Variants in ARHGEF1 observed in about 807,000 individuals in gnomAD.
ARHGEF1 encodes Rho guanine nucleotide exchange factor 1, also known as 115 kDa guanine nucleotide exchange factor.
In ARHGEF1, 40 loss-of-function variants were observed where a neutral mutation model predicts 119.7. The ratio of observed to expected loss-of-function variants is 0.33; its 90% CI spans 0.26 to 0.44. The LOEUF (loss-of-function observed/expected upper bound fraction) is 0.44, where lower values mean the gene tolerates loss of function less well. Ranked by LOEUF, ARHGEF1 falls within the 20% of genes least tolerant of loss-of-function variation. ARHGEF1 has a pLI of 1.00. For missense variants in ARHGEF1, 976 were observed against 1,268.3 expected (o/e 0.77, Z 3.50); for synonymous variants, 494 against 521.0 (o/e 0.95, Z 0.71).
rs2074801790 is a variant in ARHGEF1 at position 41,916,356 on chromosome 19, C to G, written c.1866-6736C>G. 6.6e-6 allele frequency among the ~76,000 whole-genome samples: 1 copy of G among 152,126 alleles called. No individual in the cohort carries two copies. Among genetic ancestry groups the G allele is most frequent in the South Asian group, 2.1e-4 (1 of 4,822 alleles). On this transcript the variant is annotated intron_variant, in intron 18 of 20. Transcript: ENST00000599589. This position sits in a 1 kb window ranked among gnomAD's most constrained non-coding sequence, Gnocchi z 5.4. ...AAAGCAACGCATACCACTGCTGCCA[C>G]ACACAACCCACATCACACAGATGCA... is the stretch of plus-strand genomic sequence containing the variant.
chr19:41,902,152 C>A lies in ARHGEF1; in HGVS notation c.1414+119C>A. The A allele has an allele frequency of 6.4e-7, 1 of 1,554,458 alleles. No individual in the cohort carries two copies. Among genetic ancestry groups the A allele is most frequent in the Non-Finnish European group, 8.8e-7 (1 of 1,139,168 alleles). Reference sequence around the variant, plus strand: ...TTCACATGGGGTGGGGGCAGATACGCCATCCGGTCCCGAGGATCAGACACA... The same window carrying A: ...TTCACATGGGGTGGGGGCAGATACGACATCCGGTCCCGAGGATCAGACACA... On this transcript the variant is annotated intron_variant, in intron 15 of 28. Transcript: ENST00000354532. This position sits in a 1 kb window ranked among gnomAD's most constrained non-coding sequence, Gnocchi z 6.5.
rs1414290766 is a variant in ARHGEF1 at position 41,894,532 on chromosome 19, C to T, written c.826C>T (p.Arg276Trp). 24 of 1,612,056 alleles carry T rather than the reference C, an allele frequency of 1.5e-5. No individual in the cohort carries two copies. Among genetic ancestry groups the T allele is most frequent in the Admixed American group, 3.3e-5 (2 of 59,866 alleles). Reference sequence around the variant, plus strand: ...CATCCTGGATGCCGCCCGCTGGAACCGGGGAGAGCCCCAGGGTAAGGCGGC... The same window carrying T: ...CATCCTGGATGCCGCCCGCTGGAACTGGGGAGAGCCCCAGGGTAAGGCGGC... ...SSILDAARWN[R>W]GEPQVPDFRH... The change falls in exon 10 of 29, where the codon CGG (arginine) becomes TGG (tryptophan). Residue 276 changes from arginine (R) to tryptophan (W), a missense_variant. Arg to Trp is a moderately radical substitution (Grantham distance 101). This residue lies in a region of ARHGEF1 where 519 missense variants were observed against 580.9 expected (regional missense o/e 0.89). Coordinates refer to ENST00000354532, the MANE Select transcript of ARHGEF1 (RefSeq NM_004706.4).
chr19:41,907,573 T>C, downstream of ARHGEF1: 1 of 636,392 alleles, frequency 1.6e-6, no homozygotes, highest in Non-Finnish European at 2.6e-6. Context: ...CATTCATTCA[T>C]TCATTCATTT....
chr19:41,904,986 G>A lies in ARHGEF1; in HGVS notation c.2199G>A (p.Gln733=), dbSNP rs782046967. The A allele has an allele frequency of 3.1e-6, 5 of 1,614,190 alleles. No individual in the cohort carries two copies. Among genetic ancestry groups the A allele is most frequent in the Non-Finnish European group, 4.2e-6 (5 of 1,180,004 alleles). The change falls in exon 23 of 29, where the codon CAG becomes CAA. Residue 733 remains glutamine, a synonymous_variant. Coordinates refer to ENST00000354532, the MANE Select transcript of ARHGEF1 (RefSeq NM_004706.4). This position sits in a 1 kb window ranked among gnomAD's most constrained non-coding sequence, Gnocchi z 8.4. ...TCTACGTCCTTTTTACCTGGGACCA[G>A]GAGGCCCAGATATACGAGCTGGTGG... ...KAFYVLFTWD[Q]EAQIYELVAQ...
In ARHGEF1 at chr19:41,904,313, G is replaced by A. The variant is rs782398042; in HGVS notation, c.2091G>A (p.Thr697=). The A allele has an allele frequency of 1.9e-5, 30 of 1,609,590 alleles. No individual in the cohort carries two copies. Among genetic ancestry groups the A allele is most frequent in the Middle Eastern group, 1.7e-4 (1 of 6,036 alleles). ...LKSHSRTLTP[T]PDGKTMLRPV... ...CCCATAGCCGGACACTGACGCCCACGCCCGATGGCAAGACCATGCTGCGGC... is the reference window on the plus strand; with the variant it reads ...CCCATAGCCGGACACTGACGCCCACACCCGATGGCAAGACCATGCTGCGGC... The change falls in exon 22 of 29, where the codon ACG becomes ACA. Residue 697 remains threonine, a synonymous_variant. Transcript: ENST00000354532. The surrounding 1 kb of genome is among the most constrained non-coding windows in gnomAD (Gnocchi z 8.4).
At chr19:41,909,367 A>G, downstream of ARHGEF1, 1 of 1,235,994 alleles carries the variant, frequency 8.1e-7, no homozygotes, top group Non-Finnish European at 1.0e-6. The surrounding 1 kb of genome is among the most constrained non-coding windows in gnomAD (Gnocchi z 5.2). Flanking sequence ...AGCTGCCGCC[A>G]TGTCCAGCAG....
At chr19:41,890,656 T>G (rs1346883402) in intron 4 of ARHGEF1, 3 of 151,844 alleles carry the variant, frequency 2.0e-5, no homozygotes, top group Non-Finnish European at 4.4e-5. Context: ...GGTACACACC[T>G]GTAATTCCAG....
rs1568814698 is a variant in ARHGEF1, at chr19:41,894,258, G to A, written c.696G>A (p.Arg232=). 5 of 1,569,968 alleles carry A rather than the reference G, an allele frequency of 3.2e-6. No homozygotes were observed. Among genetic ancestry groups the A allele is most frequent in the Non-Finnish European group, 4.3e-6 (5 of 1,154,016 alleles). ...TGTACATGCGCCACCTTGGGGTGCG[G>A]ACCAAGAGTGGAGACAAGAAGTCGG... ...IGLYMRHLGV[R]TKSGDKKSGR... is the part of the protein sequence containing the mutation. The change falls in exon 9 of 29, where the codon CGG becomes CGA. Residue 232 remains arginine, a synonymous_variant. Transcript: ENST00000354532.
rs1463691248 is a variant in ARHGEF1 at position 41,916,569 on chromosome 19, C to G, written c.1866-6523C>G. Among the ~76,000 whole-genome samples the G allele has an allele frequency of 6.6e-6, 1 of 152,138 alleles. No homozygotes were observed. Among genetic ancestry groups the G allele is most frequent in the African/African-American group, 2.4e-5 (1 of 41,428 alleles). ...CACACTGTGTAAACACATAATCACACACTGAGGCTCACAATCAAATACAGA... is the reference window on the plus strand; with the variant it reads ...CACACTGTGTAAACACATAATCACAGACTGAGGCTCACAATCAAATACAGA... On this transcript the variant is annotated intron_variant, in intron 18 of 20. Coordinates refer to the ARHGEF1 transcript ENST00000599589. The surrounding 1 kb of genome is among the most constrained non-coding windows in gnomAD (Gnocchi z 5.4).
chr19:41,897,015 C>T (rs1401709840), intron 13 of ARHGEF1: 1 of 439,030 alleles, frequency 2.3e-6, no homozygotes, highest in East Asian at 7.2e-5. Flanking sequence ...CCCCACCTTC[C>T]ATCCCCCTCC....
At position 41,905,180 on chromosome 19, in the gene ARHGEF1, G is replaced by A; in HGVS notation, c.2255G>A (p.Cys752Tyr). ...GATTTGGCCTTTCTCCCCAGCTGGT[G>A]TGCTCTCATCACTGAGACTGCCGGA... Reference protein sequence around the residue: ...AQTVSERKNWCALITETAGSL... With the variant: ...AQTVSERKNWYALITETAGSL... Residue 752 changes from cysteine (C) to tyrosine (Y), a missense_variant, in exon 24 of 29, where the codon TGT becomes TAT. Around this residue, in one of 3 missense-constraint regions of ARHGEF1, gnomAD observed 286 missense variants for 506.8 expected, o/e 0.56. Coordinates refer to ENST00000354532, the MANE Select transcript of ARHGEF1 (RefSeq NM_004706.4). The surrounding 1 kb of genome is among the most constrained non-coding windows in gnomAD (Gnocchi z 6.4). 6.2e-7 allele frequency: 1 copy of A among 1,614,018 alleles called. No individual in the cohort carries two copies. Among genetic ancestry groups the A allele is most frequent in the Non-Finnish European group, 8.5e-7 (1 of 1,179,938 alleles).
chr19:41,919,600 G>A (rs1243993168), upstream of ARHGEF1, among the ~76,000 whole-genome samples: 3 of 151,768 alleles, frequency 2.0e-5, no homozygotes, highest in Non-Finnish European at 2.9e-5. Context: ...AGCAACCCCC[G>A]AACACCAACA....
chr19:41,903,755 A>T lies in ARHGEF1; in HGVS notation c.1888A>T (p.Ser630Cys), dbSNP rs1327192584. ...CCTGGACTTGTCCCACCTTCGGCAG[A>T]GCAGCGACCCTATGCTGAGCGAGTT... The part of the protein sequence containing the change: ...RRLDLSHLRQ[S>C]SDPMLSEFKN... Residue 630 changes from serine to cysteine, a missense_variant, in exon 20 of 29, where the codon AGC becomes TGC. By Grantham distance (112) the Ser-to-Cys change is moderately radical. Coordinates refer to ENST00000354532, the MANE Select transcript of ARHGEF1 (RefSeq NM_004706.4). This position sits in a 1 kb window ranked among gnomAD's most constrained non-coding sequence, Gnocchi z 4.2. 1 of 1,613,152 alleles carries T rather than the reference A, an allele frequency of 6.2e-7. No individual in the cohort carries two copies. The highest frequency in any genetic ancestry group is 1.3e-5 in the African/African-American group (1 of 74,970).
At position 41,903,217 on chromosome 19, in the gene ARHGEF1, C is replaced by T. The variant is rs137881508; in HGVS notation, c.1739-90C>T. Reference sequence around the variant, plus strand: ...GATTACAGGCGTGAGCCACCATGCCCGGCCAGCTGTCCTTTGTCTAACCTT... The same window carrying T: ...GATTACAGGCGTGAGCCACCATGCCTGGCCAGCTGTCCTTTGTCTAACCTT... On this transcript the variant is annotated intron_variant, in intron 18 of 28. Coordinates refer to ENST00000354532, the MANE Select transcript of ARHGEF1 (RefSeq NM_004706.4). The surrounding 1 kb of genome is among the most constrained non-coding windows in gnomAD (Gnocchi z 4.2). The T allele has an allele frequency of 8.5e-4, 1,032 of 1,212,966 alleles. 6 individuals are homozygous for T. The African/African-American group carries it at 0.014, about 17-fold the overall frequency. 75.1% of individuals were successfully genotyped at this position (1,212,966 alleles called of 1,614,324 possible). A position where few individuals can be genotyped will look rare whatever the true frequency, so the allele number is the denominator to read the frequency against.
At chr19:41,909,970 C>T (rs1568829489), downstream of ARHGEF1, 3 of 1,613,794 alleles carry the variant, frequency 1.9e-6, no homozygotes, top group Admixed American at 5.0e-5. The surrounding 1 kb of genome is among the most constrained non-coding windows in gnomAD (Gnocchi z 5.2). Context: ...CCCCGTAGTC[C>T]CCCTGCCAGG....
downstream of ARHGEF1, chr19:41,908,236 C>T (rs149218370): frequency 0.029 from 35,857 of 1,231,710 alleles, 570 homozygotes; most frequent in Non-Finnish European, 0.033. The surrounding 1 kb of genome is among the most constrained non-coding windows in gnomAD (Gnocchi z 6.7). Flanking sequence ...GCTCAGCTGC[C>T]GGTCCCCCCT....
intron 18 of ARHGEF1, among the ~76,000 whole-genome samples, chr19:41,914,774 C>A (rs868974110): frequency 2.4e-4 from 8 of 33,452 alleles, no homozygotes; most frequent in East Asian, 1.1e-3. Flanking sequence ...GTCTCTGTCT[C>A]TCCCTCCCCT....
chr19:41,908,565 G>A, downstream of ARHGEF1: 1 of 1,231,850 alleles, frequency 8.1e-7, no homozygotes, highest in East Asian at 3.2e-5. This position sits in a 1 kb window ranked among gnomAD's most constrained non-coding sequence, Gnocchi z 6.7. Context: ...GAGAGAGGGA[G>A]GCAGCTTGGG....
At chr19:41,918,175 T>C (rs2074813440), upstream of ARHGEF1, among the ~76,000 whole-genome samples, 1 of 151,780 alleles carries the variant, frequency 6.6e-6, no homozygotes, top group Admixed American at 6.6e-5. Flanking sequence ...CCTTTGTGCC[T>C]GGGGTGTACA....
Sources: gnomAD v4.1 joint callset for allele counts (sites outside exome capture counted in the v4.1 genomes callset) on GRCh38, gnomAD v4.1.1 for gene constraint, gnomAD v4.1.1 regional missense constraint, Gnocchi (gnomAD v3.1) non-coding constraint, MANE v1.5 for transcripts, NCBI Gene and HGNC (gene_info 2026-07-23, HGNC 2026-07-21) for gene names.